The following CACUL1 variants were observed in gnomAD, a reference collection of about 807,000 sequenced individuals.
The protein encoded by CACUL1 is CDK2 associated cullin domain 1.
CACUL1 carries 13 observed loss-of-function variants against 45.2 expected under a neutral mutation model. The observed-to-expected ratio is 0.29, with a 90% CI of 0.19 to 0.46. The LOEUF (loss-of-function observed/expected upper bound fraction) is 0.46, where lower values mean the gene tolerates loss of function less well. Ranked by LOEUF, CACUL1 falls within the 20% of genes least tolerant of loss-of-function variation. The pLI, the probability that CACUL1 is intolerant of heterozygous loss-of-function variation, is 1.00. For missense variants in CACUL1, 421 were observed against 471.4 expected, an observed-to-expected ratio of 0.89 and a Z score of 0.99; for synonymous variants, 197 against 174.2, an observed-to-expected ratio of 1.13 and a Z score of -1.03.
rs1845159548 is a variant in CACUL1, at chr10:118,682,190, CA to C, written c.*3937del. The C allele has an allele frequency of 6.6e-6, 1 of 152,146 alleles. No homozygotes were observed. Among genetic ancestry groups the C allele is most frequent in the Non-Finnish European group, 1.5e-5 (1 of 68,022 alleles). The allele number at this position is 152,146 out of a possible 1,614,324, so 9.4% of individuals were successfully genotyped here. On this transcript the variant is annotated 3_prime_UTR_variant, in exon 9 of 9. Coordinates refer to ENST00000369151, the MANE Select transcript of CACUL1 (RefSeq NM_153810.5). ...AGCTAAAAGAGGCACCATAAAAAATCAACTCAAAACATCCAAACAATGGCTA... is the reference window on the plus strand; with the variant it reads ...AGCTAAAAGAGGCACCATAAAAAATCACTCAAAACATCCAAACAATGGCTA...
chr10:118,690,307 CAAAAAAAAAAAAA>C (rs34414146), intron 7 of CACUL1, among the ~76,000 whole-genome samples: 1 of 88,460 alleles, frequency 1.1e-5, no homozygotes, highest in Non-Finnish European at 2.0e-5. Flanking sequence ...GACTCCGTCT[CAAAAAAAAAAAAA>C]AAAAAAAAAA....
At chr10:118,700,435 A>G (rs1339697511) in intron 5 of CACUL1, among the ~76,000 whole-genome samples, 1 of 151,886 alleles carries the variant, frequency 6.6e-6, no homozygotes, top group African/African-American at 2.4e-5. Context: ...GGAAGAGGAG[A>G]GGCCAGGTGC....
At chr10:118,713,315 C>A (rs1394239094) in intron 3 of CACUL1, among the ~76,000 whole-genome samples, 1 of 152,202 alleles carries the variant, frequency 6.6e-6, no homozygotes, top group African/African-American at 2.4e-5. Context: ...CCTTCCTGGG[C>A]CCCCAAGAAT....
intron 1 of CACUL1, among the ~76,000 whole-genome samples, chr10:118,751,016 T>C (rs1468385240): frequency 6.6e-6 from 1 of 152,250 alleles, no homozygotes; most frequent in African/African-American, 2.4e-5. Flanking sequence ...TATTTTAATA[T>C]GCATGTCTCT....
In CACUL1 at chr10:118,685,992, A is replaced by C; in HGVS notation, c.*136T>G. ...TTTTAAAATTACAAACCAAGTAAGA[A>C]GTCCAACATCCTCTTCCATGAACAG... is the stretch of plus-strand genomic sequence containing the variant. On this transcript the variant is annotated 3_prime_UTR_variant, in exon 9 of 9. Coordinates refer to ENST00000369151, the MANE Select transcript of CACUL1 (RefSeq NM_153810.5). 1 of 511,172 alleles carries C rather than the reference A, an allele frequency of 2.0e-6. No homozygotes were observed. 31.7% of individuals were successfully genotyped at this position (511,172 alleles called of 1,614,324 possible).
At chr10:118,694,724 T>A (rs190771823) in intron 6 of CACUL1, among the ~76,000 whole-genome samples, 6 of 152,348 alleles carry the variant, frequency 3.9e-5, no homozygotes, top group Non-Finnish European at 7.4e-5. Context: ...AGAACATCCT[T>A]ACAAAATGAC....
intron 1 of CACUL1, among the ~76,000 whole-genome samples, chr10:118,737,136 A>G (rs932488862): frequency 5.1e-5 from 7 of 137,930 alleles, no homozygotes; most frequent in African/African-American, 1.7e-4. Flanking sequence ...TTAGGAGGGA[A>G]AAAAAAAAAA....
chr10:118,736,658 A>G (rs1440044347), intron 1 of CACUL1, among the ~76,000 whole-genome samples: 1 of 152,150 alleles, frequency 6.6e-6, no homozygotes, highest in Non-Finnish European at 1.5e-5. Flanking sequence ...CAATTTTTAA[A>G]TAAATTTAGT....
Position 118,683,137 on chromosome 10 carries a change from C to G in CACUL1, c.*2991G>C, listed in dbSNP as rs912909265. The G allele has an allele frequency of 2.0e-5, 3 of 152,148 alleles. No homozygotes were observed. Among genetic ancestry groups the G allele is most frequent in the Non-Finnish European group, 2.9e-5 (2 of 68,032 alleles). 9.4% of individuals were successfully genotyped at this position (152,148 alleles called of 1,614,324 possible). A position where few individuals can be genotyped will look rare whatever the true frequency, so the allele number is the denominator to read the frequency against. Reference sequence around the variant, plus strand: ...GGCCAACCTTTAAAACATGTACCGTCTCTCAAAACAATTATCGATTTACTT... The same window carrying G: ...GGCCAACCTTTAAAACATGTACCGTGTCTCAAAACAATTATCGATTTACTT... On this transcript the variant is annotated 3_prime_UTR_variant, in exon 9 of 9. Transcript: ENST00000369151.
intron 1 of CACUL1, 101 bp downstream of exon 1, chr10:118,754,295 G>A (rs749066349): frequency 1.3e-4 from 186 of 1,420,130 alleles, no homozygotes; most frequent in Non-Finnish European, 1.6e-4. Context: ...GAAAGACCGA[G>A]GCCTGAAACA....
intron 1 of CACUL1, among the ~76,000 whole-genome samples, chr10:118,749,084 GAGA>G (rs1433810683): frequency 6.6e-6 from 1 of 152,184 alleles, no homozygotes; most frequent in Non-Finnish European, 1.5e-5. Flanking sequence ...ACTGTGCTCT[GAGA>G]AGGTCCTTCA....
At chr10:118,724,316 G>C (rs1845631234) in intron 3 of CACUL1, among the ~76,000 whole-genome samples, 1 of 152,144 alleles carries the variant, frequency 6.6e-6, no homozygotes, top group African/African-American at 2.4e-5. Context: ...TCCTCTATCT[G>C]AGTTTCCTTC....
At chr10:118,752,971 T>C (rs1028467534) in intron 1 of CACUL1, among the ~76,000 whole-genome samples, 7 of 152,268 alleles carry the variant, frequency 4.6e-5, no homozygotes, top group African/African-American at 1.7e-4. Context: ...GAGGTCTGTC[T>C]GCCTAGCTTA....
chr10:118,713,379 T>C (rs1202611874), intron 3 of CACUL1, among the ~76,000 whole-genome samples: 1 of 152,148 alleles, frequency 6.6e-6, no homozygotes, highest in Non-Finnish European at 1.5e-5. Flanking sequence ...CAGCACCCAG[T>C]GTGCTCCCAC....
chr10:118,692,916 C>T (rs1436338861), intron 6 of CACUL1: 4 of 152,222 alleles, frequency 2.6e-5, no homozygotes, highest in African/African-American at 9.6e-5. Context: ...TTGGGAGAAA[C>T]TCGTGGCAAA....
intron 7 of CACUL1, 82 bp from the exon 8 acceptor site, chr10:118,686,723 T>A: frequency 1.0e-6 from 1 of 993,268 alleles, no homozygotes; most frequent in Non-Finnish European, 1.6e-6. Context: ...ATAATAAAAG[T>A]ATAGCAGACA....
chr10:118,714,962 T>C (rs1175578650), intron 3 of CACUL1, among the ~76,000 whole-genome samples: 3 of 152,212 alleles, frequency 2.0e-5, no homozygotes, highest in Admixed American at 6.5e-5. Flanking sequence ...TAGGAATATC[T>C]ATTTCTGTAA....
At chr10:118,740,263 C>A (rs971545690) in intron 1 of CACUL1, among the ~76,000 whole-genome samples, 1 of 152,190 alleles carries the variant, frequency 6.6e-6, no homozygotes, top group Admixed American at 6.5e-5. Flanking sequence ...ACACTTTAGG[C>A]CCTTCCGTGA....
rs371412005 is a variant in CACUL1 at position 118,729,306 on chromosome 10, T to C, written c.586A>G (p.Lys196Glu). 6 of 1,612,194 alleles carry C rather than the reference T, an allele frequency of 3.7e-6. No individual in the cohort carries two copies. The highest frequency in any genetic ancestry group is 2.2e-5 in the East Asian group (1 of 44,816). The change falls in exon 3 of 9, where the codon AAG (lysine) becomes GAG (glutamate). Residue 196 changes from lysine (K) to glutamate (E), a missense_variant. Coordinates refer to ENST00000369151, the MANE Select transcript of CACUL1 (RefSeq NM_153810.5). ...KITNHLERVS[K>E]ELQASPPDLY... ...AATCAGTTCTTTACCTGCAGCTCCT[T>C]TGAGACTCTCTCTAAGTGATTAGTT...
Sources: gnomAD v4.1 joint callset for allele counts (sites outside exome capture counted in the v4.1 genomes callset) on GRCh38, gnomAD v4.1.1 for gene constraint, MANE v1.5 for transcripts, NCBI Gene and HGNC (gene_info 2026-07-23, HGNC 2026-07-21) for gene names.